Variants in C16orf46 observed in about 807,000 individuals in gnomAD.
The protein encoded by C16orf46 is chromosome 16 open reading frame 46.
A neutral mutation model predicts 5.5 loss-of-function variants in C16orf46; 7 were observed. That is an observed-to-expected ratio of 1.28 (90% CI 0.73 to 2.40). The LOEUF (loss-of-function observed/expected upper bound fraction) is 2.40. Among genes scored for constraint, C16orf46 ranks in the 30% most tolerant of loss-of-function variants. The pLI, the probability that C16orf46 is intolerant of heterozygous loss-of-function variation, is 0.00. For synonymous variants in C16orf46, 200 were observed against 184.1 expected (o/e 1.09, Z -0.70); for missense variants, 614 against 476.0 (o/e 1.29, Z -2.70).
intron 1 of C16orf46, among the ~76,000 whole-genome samples, chr16:81,069,326 A>G (rs571265076): frequency 8.5e-5 from 13 of 152,322 alleles, no homozygotes; most frequent in African/African-American, 3.1e-4. Flanking sequence ...TTTCTAACTC[A>G]TGCTGCAGGT....
intron 1 of C16orf46, among the ~76,000 whole-genome samples, chr16:81,071,787 C>T (rs1971862983): frequency 2.6e-5 from 4 of 152,148 alleles, no homozygotes; most frequent in African/African-American, 9.7e-5. Context: ...AAGAGAATAA[C>T]TCATTAGTGG....
chr16:81,075,151 T>C (rs1413080714), intron 1 of C16orf46, among the ~76,000 whole-genome samples: 2 of 152,226 alleles, frequency 1.3e-5, no homozygotes, highest in African/African-American at 4.8e-5. Flanking sequence ...ACCTGGCCTA[T>C]GTTTCTAAAT....
chr16:81,061,056 G>A lies in C16orf46; in HGVS notation c.*105C>T. On this transcript the variant is annotated 3_prime_UTR_variant, in exon 4 of 4. Coordinates refer to ENST00000299578, the MANE Select transcript of C16orf46 (RefSeq NM_152337.3). ...AGAGTAAAGACAGACTGACGGGGAG[G>A]AGAGAAAGAGAGAGTGGGGGGTGGG... 1 of 1,173,412 alleles carries A rather than the reference G, an allele frequency of 8.5e-7. No individual in the cohort carries two copies. Among genetic ancestry groups the A allele is most frequent in the Non-Finnish European group, 1.2e-6 (1 of 844,734 alleles). 72.7% of individuals were successfully genotyped at this position (1,173,412 alleles called of 1,614,324 possible). A position where few individuals can be genotyped will look rare whatever the true frequency, so the allele number is the denominator to read the frequency against.
At chr16:81,067,601 G>A (rs1397731233) in intron 1 of C16orf46, among the ~76,000 whole-genome samples, 1 of 152,156 alleles carries the variant, frequency 6.6e-6, no homozygotes, top group Non-Finnish European at 1.5e-5. Flanking sequence ...TGCCCAGGTT[G>A]GAGTACAATG....
chr16:81,062,117 A>G lies in C16orf46; in HGVS notation c.232T>C (p.Ser78Pro), dbSNP rs770319344. ...CTCGGCCAGATGCAGGCAGCTGGAG[A>G]AGTCCTTCCCCACCCTTGGACCTGC... Reference protein sequence around the residue: ...EEAVQGWGRTSPAACIWPRKI... With the variant: ...EEAVQGWGRTPPAACIWPRKI... Residue 78 changes from serine to proline, a missense_variant, in exon 4 of 4, where the codon TCT (serine) becomes CCT (proline). Transcript: ENST00000299578. 8 of 1,596,148 alleles carry G rather than the reference A, an allele frequency of 5.0e-6. No individual in the cohort carries two copies. The Admixed American group carries it at 1.2e-4, about 24-fold the overall frequency.
In C16orf46 at chr16:81,061,200, G is replaced by C. The variant is rs770444488; in HGVS notation, c.1149C>G (p.Ser383Arg). The change falls in exon 4 of 4, where the codon AGC becomes AGG. Residue 383 changes from serine (S) to arginine (R), a missense_variant. By Grantham distance (110) the Ser-to-Arg change is moderately radical. Coordinates refer to ENST00000299578, the MANE Select transcript of C16orf46 (RefSeq NM_152337.3). ...PRPVLPSLTV[S>R]RVIIPVSTHR... ...GGGTAGAGACAGGAATGATAACTCT[G>C]CTCACTGTGAGAGACGGCAAGACAG... The C allele has an allele frequency of 6.2e-7, 1 of 1,613,698 alleles. No individual in the cohort carries two copies. Among genetic ancestry groups the C allele is most frequent in the South Asian group, 1.1e-5 (1 of 91,036 alleles).
intron 1 of C16orf46, among the ~76,000 whole-genome samples, chr16:81,070,757 G>A (rs1284682352): frequency 2.0e-5 from 3 of 151,852 alleles, no homozygotes; most frequent in Non-Finnish European, 2.9e-5. Flanking sequence ...GCATGGTCTC[G>A]GCTCACTGCA....
chr16:81,063,615 A>G (rs1971557525), intron 3 of C16orf46, 131 bp downstream of exon 3: 1 of 748,866 alleles, frequency 1.3e-6, no homozygotes, highest in Non-Finnish European at 2.2e-6. Flanking sequence ...ATTTTACCTC[A>G]ATTCCAGGGT....
intron 3 of C16orf46, among the ~76,000 whole-genome samples, chr16:81,054,802 C>A (rs1971248231): frequency 6.6e-6 from 1 of 150,846 alleles, no homozygotes; most frequent in Non-Finnish European, 1.5e-5. Flanking sequence ...GCACGCACCA[C>A]CACGCCCCCT....
chr16:81,061,469 G>A lies in C16orf46; in HGVS notation c.880C>T (p.Pro294Ser), dbSNP rs748008410. The change falls in exon 4 of 4, where the codon CCG (proline) becomes TCG (serine). Residue 294 changes from proline to serine, a missense_variant. Coordinates refer to ENST00000299578, the MANE Select transcript of C16orf46 (RefSeq NM_152337.3). ...PAAQISLLTD[P>S]EQRCLHWSLL... Reference sequence around the variant, plus strand: ...GACCAATGCAGGCAGCGCTGCTCCGGATCGGTCAGCAGGGATATCTGGGCC... The same window carrying A: ...GACCAATGCAGGCAGCGCTGCTCCGAATCGGTCAGCAGGGATATCTGGGCC... The A allele has an allele frequency of 6.2e-7, 1 of 1,614,144 alleles. No individual in the cohort carries two copies. Among genetic ancestry groups the A allele is most frequent in the South Asian group, 1.1e-5 (1 of 91,084 alleles).
intron 1 of C16orf46, chr16:81,076,389 A>G (rs1171543904): frequency 6.6e-6 from 1 of 152,138 alleles, no homozygotes; most frequent in African/African-American, 2.4e-5. Flanking sequence ...CTCCTTGTTA[A>G]TTATATGTGC....
In C16orf46 at chr16:81,063,744, A is replaced by ACT. The variant is rs1179658930; in HGVS notation, c.210_210+1dup. Reference sequence around the variant, plus strand: ...AAAGCTGTGACTCAGAAAGATACTCACTGCCTCTTCCCATCCAGTTCCAAT... The same window carrying ACT: ...AAAGCTGTGACTCAGAAAGATACTCACTCTGCCTCTTCCCATCCAGTTCCAAT... On this transcript the variant is annotated splice_donor_variant, in intron 3 of 3. Transcript: ENST00000299578. LOFTEE classifies it high-confidence loss of function. 6.2e-7 allele frequency: 1 copy of ACT among 1,609,136 alleles called. No individual in the cohort carries two copies. Among genetic ancestry groups the ACT allele is most frequent in the Non-Finnish European group, 8.5e-7 (1 of 1,176,038 alleles).
chr16:81,058,119 A>G (rs1971359558), downstream of C16orf46: 1 of 153,140 alleles, frequency 6.5e-6, no homozygotes, highest in African/African-American at 2.4e-5. Context: ...TAATGTTTGC[A>G]GGCAAGTTAA....
chr16:81,053,979 C>T (rs1256994924), exon 4 of C16orf46: 7 of 1,362,878 alleles, frequency 5.1e-6, no homozygotes, highest in East Asian at 2.3e-5. Context: ...GGTGATCCGC[C>T]GCTTTTCCAT....
At chr16:81,053,509 A>G (rs1971206816) in exon 4 of C16orf46, 3 of 152,238 alleles carry the variant, frequency 2.0e-5, no homozygotes, top group Admixed American at 1.3e-4. Flanking sequence ...TTAGTAAGAC[A>G]ATTTTATTTA....
intron 1 of C16orf46, among the ~76,000 whole-genome samples, chr16:81,067,783 C>A (rs1348202011): frequency 6.6e-6 from 1 of 152,042 alleles, no homozygotes; most frequent in Non-Finnish European, 1.5e-5. Flanking sequence ...GAACTCCTGA[C>A]CTCAGGTGAT....
At chr16:81,057,616 A>G (rs1371849043), downstream of C16orf46, among the ~76,000 whole-genome samples, 1 of 151,936 alleles carries the variant, frequency 6.6e-6, no homozygotes, top group Non-Finnish European at 1.5e-5. Context: ...AAAAACTAAA[A>G]TTTCTTTAGG....
chr16:81,071,622 T>C (rs897068538), intron 1 of C16orf46, among the ~76,000 whole-genome samples: 2 of 152,010 alleles, frequency 1.3e-5, no homozygotes, highest in Non-Finnish European at 2.9e-5. Context: ...GGTGTGTGCC[T>C]GTGGTCAGAG....
At chr16:81,067,548 GTTTGTTTTGGTTTGTTTT>G (rs1467890424) in intron 1 of C16orf46, among the ~76,000 whole-genome samples, 1 of 152,104 alleles carries the variant, frequency 6.6e-6, no homozygotes, top group Non-Finnish European at 1.5e-5. Context: ...TTTTTTGTTT[GTTTGTTTTGGTTTGTTTT>G]TTTGTTTTGA....
Sources: gnomAD v4.1 joint callset for allele counts (sites outside exome capture counted in the v4.1 genomes callset) on GRCh38, gnomAD v4.1.1 for gene constraint, MANE v1.5 for transcripts, NCBI Gene and HGNC (gene_info 2026-07-23, HGNC 2026-07-21) for gene names.